The following TNFAIP6 variants were observed in gnomAD, a reference collection of about 807,000 sequenced individuals.
The protein encoded by TNFAIP6 is TNF alpha induced protein 6.
In TNFAIP6, 36 loss-of-function variants were observed where a neutral mutation model predicts 33.7. The observed-to-expected ratio is 1.07, with a 90% CI of 0.82 to 1.41. The LOEUF is 1.41. Among genes scored for constraint, TNFAIP6 ranks in the 40% most tolerant of loss-of-function variants. TNFAIP6 has a pLI of 0.00. For missense variants in TNFAIP6, 273 were observed against 331.9 expected, an observed-to-expected ratio of 0.82 and a Z score of 1.38; for synonymous variants, 113 against 112.8, an observed-to-expected ratio of 1.00 and a Z score of -0.01.
At chr2:151,374,454 A>G (rs1684868865) in intron 5 of TNFAIP6, among the ~76,000 whole-genome samples, 1 of 152,178 alleles carries the variant, frequency 6.6e-6, no homozygotes, top group South Asian at 2.1e-4. Flanking sequence ...TTTTCTCCCA[A>G]GTCATAAAAC....
chr2:151,378,783 C>T (rs1684963361), intron 5 of TNFAIP6, among the ~76,000 whole-genome samples: 1 of 151,770 alleles, frequency 6.6e-6, no homozygotes, highest in South Asian at 2.1e-4. Context: ...CCCACCAGGC[C>T]CAGCCCAAGA....
At chr2:151,358,508 C>A (rs1684572463) in intron 1 of TNFAIP6, among the ~76,000 whole-genome samples, 1 of 152,214 alleles carries the variant, frequency 6.6e-6, no homozygotes, top group Non-Finnish European at 1.5e-5. Flanking sequence ...CTAAACAATG[C>A]TTTAATTCTC....
At chr2:151,365,364 C>T (rs59379773) in intron 2 of TNFAIP6, among the ~76,000 whole-genome samples, 1 of 151,736 alleles carries the variant, frequency 6.6e-6, no homozygotes, top group Non-Finnish European at 1.5e-5. Context: ...ATAGGCCAGG[C>T]GTGGTGGTTC....
In TNFAIP6 at chr2:151,357,727, A is replaced by G. The variant is rs1178900449; in HGVS notation, c.61A>G (p.Lys21Glu). Residue 21 changes from lysine (K) to glutamate (E), a missense_variant, in exon 1 of 6, where the codon AAG becomes GAG. Transcript: ENST00000243347. ...GGAAGACACTCAAGGATGGGGATTC[A>G]AGGATGGAATTTTTCATAACTCCAT... ...LWEDTQGWGF[K>E]DGIFHNSIWL... 5 of 1,612,246 alleles carry G rather than the reference A, an allele frequency of 3.1e-6. No individual in the cohort carries two copies. The highest frequency in any genetic ancestry group is 4.2e-6 in the Non-Finnish European group (5 of 1,178,498).
intron 1 of TNFAIP6, among the ~76,000 whole-genome samples, chr2:151,359,440 G>C (rs1166835898): frequency 3.4e-5 from 5 of 148,396 alleles, no homozygotes; most frequent in South Asian, 2.1e-4. Flanking sequence ...CCACGCTGGA[G>C]TGCAGTGGCA....
Position 151,357,706 on chromosome 2 carries a change from G to A in TNFAIP6, c.40G>A (p.Asp14Asn). The A allele has an allele frequency of 6.2e-7, 1 of 1,613,014 alleles. No homozygotes were observed. The change falls in exon 1 of 6, where the codon GAC becomes AAC. Residue 14 changes from aspartate to asparagine, a missense_variant. Physicochemically the swap from Asp to Asn is conservative, Grantham distance 23. Coordinates refer to ENST00000243347, the MANE Select transcript of TNFAIP6 (RefSeq NM_007115.4). ...LIYLFLLLWE[D>N]TQGWGFKDGI... ...TTACTTATTTCTCTTGCTATGGGAA[G>A]ACACTCAAGGATGGGGATTCAAGGA...
At chr2:151,364,937 A>T (rs920677581) in intron 2 of TNFAIP6, among the ~76,000 whole-genome samples, 2 of 152,178 alleles carry the variant, frequency 1.3e-5, no homozygotes, top group Non-Finnish European at 2.9e-5. Context: ...CTGGACCTCT[A>T]GTAAAATTGC....
intron 5 of TNFAIP6, among the ~76,000 whole-genome samples, chr2:151,375,067 G>A (rs1684879032): frequency 6.8e-6 from 1 of 147,574 alleles, no homozygotes; most frequent in Non-Finnish European, 1.5e-5. Flanking sequence ...AGAGGTTGTG[G>A]TGAGCCAAGA....
chr2:151,362,721 A>C (rs1019774315), intron 1 of TNFAIP6, among the ~76,000 whole-genome samples: 1 of 151,428 alleles, frequency 6.6e-6, no homozygotes, highest in Non-Finnish European at 1.5e-5. Flanking sequence ...AGATCTCCTG[A>C]CCTCGTGATC....
chr2:151,365,906 T>C (rs1684700339), intron 2 of TNFAIP6, 150 bp from the exon 3 acceptor site: 6 of 644,658 alleles, frequency 9.3e-6, no homozygotes, highest in Non-Finnish European at 1.6e-5. Context: ...ACACTTTGTC[T>C]AATTAAGGAA....
chr2:151,359,152 T>G (rs1027481009), intron 1 of TNFAIP6, among the ~76,000 whole-genome samples: 1 of 152,148 alleles, frequency 6.6e-6, no homozygotes, highest in African/African-American at 2.4e-5. Context: ...TCAGGATAAT[T>G]GCAAATTGCT....
intron 1 of TNFAIP6, among the ~76,000 whole-genome samples, chr2:151,360,680 A>G (rs1366772670): frequency 6.6e-6 from 1 of 152,236 alleles, no homozygotes; most frequent in Non-Finnish European, 1.5e-5. Context: ...AGAGTTCTCT[A>G]TTTGTTCATA....
chr2:151,360,449 AT>A (rs1684608796), intron 1 of TNFAIP6, among the ~76,000 whole-genome samples: 1 of 152,206 alleles, frequency 6.6e-6, no homozygotes, highest in South Asian at 2.1e-4. Flanking sequence ...ACCAAAGTCC[AT>A]TTCTACTGCC....
At chr2:151,370,347 G>T in intron 4 of TNFAIP6, 99 bp downstream of exon 4, 2 of 890,038 alleles carry the variant, frequency 2.2e-6, no homozygotes, top group Non-Finnish European at 3.5e-6. Flanking sequence ...TATTGATTTT[G>T]GAATAGTTCT....
chr2:151,362,480 C>CTCTTT (rs1684640216), intron 1 of TNFAIP6, among the ~76,000 whole-genome samples: 1 of 56,940 alleles, frequency 1.8e-5, no homozygotes, highest in Non-Finnish European at 3.2e-5. Context: ...TTACTAAATT[C>CTCTTT]TTTTTTTTTT....
chr2:151,363,521 G>A (rs970012449), intron 1 of TNFAIP6, among the ~76,000 whole-genome samples: 27 of 149,784 alleles, frequency 1.8e-4, no homozygotes, highest in Non-Finnish European at 2.8e-4. Context: ...AATTAGCCAG[G>A]CGTGATGGCG....
At chr2:151,375,517 G>C (rs1184815704) in intron 5 of TNFAIP6, among the ~76,000 whole-genome samples, 1 of 152,034 alleles carries the variant, frequency 6.6e-6, no homozygotes, top group Non-Finnish European at 1.5e-5. Flanking sequence ...GACCATCCTG[G>C]CTAACACGGT....
At chr2:151,377,921 T>A (rs867764492) in intron 5 of TNFAIP6, among the ~76,000 whole-genome samples, 20 of 152,162 alleles carry the variant, frequency 1.3e-4, no homozygotes, top group African/African-American at 4.3e-4. Context: ...GTTCTGTGGC[T>A]TTGGGCAAGC....
At chr2:151,380,260 AT>A (rs1684991520), downstream of TNFAIP6, among the ~76,000 whole-genome samples, 1 of 151,714 alleles carries the variant, frequency 6.6e-6, no homozygotes, top group Non-Finnish European at 1.5e-5. Flanking sequence ...TTTTTTCACT[AT>A]TTTTAAAAAC....
Sources: gnomAD v4.1 joint callset for allele counts (sites outside exome capture counted in the v4.1 genomes callset) on GRCh38, gnomAD v4.1.1 for gene constraint, MANE v1.5 for transcripts, NCBI Gene and HGNC (gene_info 2026-07-23, HGNC 2026-07-21) for gene names.